MLLT10: variants seen among roughly 807,000 people sequenced by gnomAD.
MLLT10 encodes the protein protein AF-10.
MLLT10 carries 30 observed loss-of-function variants against 129.1 expected under a neutral mutation model. The ratio of observed to expected loss-of-function variants is 0.23; its 90% CI spans 0.17 to 0.32. The LOEUF (loss-of-function observed/expected upper bound fraction) is 0.32, where lower values mean the gene tolerates loss of function less well. MLLT10 is among the 10% of genes least tolerant of loss of function. MLLT10 has a pLI of 1.00. For missense variants in MLLT10, 1,119 were observed against 1,268.3 expected (o/e 0.88, Z 1.79); for synonymous variants, 490 against 446.4 (o/e 1.10, Z -1.23).
intron 3 of MLLT10, among the ~76,000 whole-genome samples, chr10:21,583,878 T>C (rs1006743572): frequency 6.6e-6 from 1 of 152,140 alleles, no homozygotes; most frequent in African/African-American, 2.4e-5. Flanking sequence ...CTCAATTTTT[T>C]TTTTTTTTTG....
intron 8 of MLLT10, among the ~76,000 whole-genome samples, chr10:21,640,219 A>T (rs1272205177): frequency 1.5e-5 from 2 of 135,682 alleles, no homozygotes; most frequent in East Asian, 4.0e-4. Context: ...ATATTATATT[A>T]TATATTATAT....
At chr10:21,706,922 T>C (rs933118065) in intron 13 of MLLT10, among the ~76,000 whole-genome samples, 4 of 152,148 alleles carry the variant, frequency 2.6e-5, no homozygotes, top group Admixed American at 6.5e-5. Flanking sequence ...CAGGCTCTCT[T>C]TCTTTGCTTC....
chr10:21,717,798 T>C (rs1454904891), intron 14 of MLLT10, among the ~76,000 whole-genome samples: 10 of 131,366 alleles, frequency 7.6e-5, no homozygotes, highest in South Asian at 2.5e-4. Context: ...TTCTTCTTCT[T>C]CTCCTTCTTC....
intron 4 of MLLT10, among the ~76,000 whole-genome samples, chr10:21,588,900 C>T (rs2042245119): frequency 6.6e-6 from 1 of 151,144 alleles, no homozygotes; most frequent in African/African-American, 2.4e-5. Flanking sequence ...CTTGGCTCAC[C>T]GCAGCCTCTG....
chr10:21,541,271 G>A (rs1218643927), intron 3 of MLLT10: 1 of 152,184 alleles, frequency 6.6e-6, no homozygotes, highest in Admixed American at 6.5e-5. Context: ...AGGCTGGAGT[G>A]GAGTGGCGCA....
At chr10:21,585,584 G>A (rs2041910363) in intron 3 of MLLT10, among the ~76,000 whole-genome samples, 1 of 152,104 alleles carries the variant, frequency 6.6e-6, no homozygotes, top group African/African-American at 2.4e-5. Flanking sequence ...CCTACTTGAC[G>A]GCAGTCGTCC....
intron 2 of MLLT10, among the ~76,000 whole-genome samples, chr10:21,535,327 T>C (rs768436575): frequency 6.6e-6 from 1 of 151,704 alleles, no homozygotes; most frequent in Middle Eastern, 3.4e-3. Flanking sequence ...CTTGCCTCTT[T>C]AGATGGGGAG....
At chr10:21,691,135 T>C (rs183110068) in intron 13 of MLLT10, among the ~76,000 whole-genome samples, 2 of 152,354 alleles carry the variant, frequency 1.3e-5, no homozygotes, top group East Asian at 3.9e-4. Context: ...CGATCATGTT[T>C]AAATATTATC....
rs143101374 is a variant in MLLT10 at position 21,647,894 on chromosome 10, G to C, written c.700-3779G>C. Among the ~76,000 whole-genome samples, 390 of 151,130 alleles carry C rather than the reference G, an allele frequency of 2.6e-3. 1 individual carries two copies. The highest frequency in any genetic ancestry group is 8.7e-3 in the African/African-American group (358 of 41,182). Reference sequence around the variant, plus strand: ...CCCTTTCTGTTTTTTTTATTTTTTGGGGGGGAGGTTAGAAAAGTCTTTCCT... The same window carrying C: ...CCCTTTCTGTTTTTTTTATTTTTTGCGGGGGAGGTTAGAAAAGTCTTTCCT... On this transcript the variant is annotated intron_variant, in intron 8 of 22. Transcript: ENST00000307729.
chr10:21,621,584 C>T (rs750841296), intron 8 of MLLT10, among the ~76,000 whole-genome samples: 5 of 152,064 alleles, frequency 3.3e-5, no homozygotes, highest in Non-Finnish European at 7.4e-5. Flanking sequence ...CGAGGTGTGC[C>T]TGTTGTGTTG....
intron 8 of MLLT10, among the ~76,000 whole-genome samples, chr10:21,639,442 G>T (rs892071171): frequency 4.6e-5 from 7 of 152,146 alleles, no homozygotes; most frequent in Admixed American, 3.9e-4. Flanking sequence ...GGATTAGTTT[G>T]CTAGAGTGGC....
chr10:21,545,250 T>G (rs1428559859), intron 3 of MLLT10, among the ~76,000 whole-genome samples: 2 of 152,054 alleles, frequency 1.3e-5, no homozygotes, highest in Admixed American at 6.6e-5. Context: ...TGCCTTTTTT[T>G]TTTTTGCTAG....
chr10:21,726,973 AT>A (rs2057564132), intron 15 of MLLT10, among the ~76,000 whole-genome samples: 1 of 152,130 alleles, frequency 6.6e-6, no homozygotes, highest in Admixed American at 6.5e-5. Flanking sequence ...GTTTTGTCGC[AT>A]TTGTCTCTTG....
intron 11 of MLLT10, among the ~76,000 whole-genome samples, chr10:21,675,292 G>C (rs1373816444): frequency 6.6e-6 from 1 of 152,124 alleles, no homozygotes; most frequent in Non-Finnish European, 1.5e-5. Flanking sequence ...AATTTGGATG[G>C]GACAAGTCTT....
At chr10:21,715,636 C>T (rs930499449) in intron 14 of MLLT10, among the ~76,000 whole-genome samples, 4 of 152,174 alleles carry the variant, frequency 2.6e-5, no homozygotes, top group East Asian at 1.9e-4. Context: ...GGTTACTTCC[C>T]GGCTGAATTA....
At chr10:21,647,945 T>C (rs1022195909) in intron 8 of MLLT10, among the ~76,000 whole-genome samples, 5 of 152,120 alleles carry the variant, frequency 3.3e-5, no homozygotes, top group African/African-American at 1.2e-4. Flanking sequence ...ACTTTAAAAA[T>C]ACTTTCTAGC....
chr10:21,725,607 C>T (rs1456385721), intron 14 of MLLT10, among the ~76,000 whole-genome samples: 1 of 151,172 alleles, frequency 6.6e-6, no homozygotes, highest in Non-Finnish European at 1.5e-5. Flanking sequence ...TCCTGTAATC[C>T]CAGCCACTGG....
At chr10:21,575,062 A>C (rs1434216706) in intron 3 of MLLT10, among the ~76,000 whole-genome samples, 1 of 151,618 alleles carries the variant, frequency 6.6e-6, no homozygotes, top group Non-Finnish European at 1.5e-5. Context: ...TTTGACTTCA[A>C]ATTCTCTGTT....
At chr10:21,579,640 A>G (rs1361175378) in intron 3 of MLLT10, among the ~76,000 whole-genome samples, 1 of 150,386 alleles carries the variant, frequency 6.6e-6, no homozygotes, top group East Asian at 2.0e-4. Context: ...TCGGCTCAAC[A>G]CAACCTCCGC....
Sources: allele counts gnomAD v4.1 joint callset (sites outside exome capture counted in the v4.1 genomes callset), GRCh38; gene constraint gnomAD v4.1.1; transcripts MANE v1.5; gene names NCBI Gene and HGNC (gene_info 2026-07-23, HGNC 2026-07-21).